PALLD: variants seen among roughly 807,000 people sequenced by gnomAD.
The protein encoded by PALLD is palladin.
Under a neutral mutation model 123.5 loss-of-function variants are expected in PALLD, and 61 were observed. That is an observed-to-expected ratio of 0.49 (90% CI 0.40 to 0.61). The LOEUF (loss-of-function observed/expected upper bound fraction) is 0.61. Ranked by LOEUF, PALLD falls within the 20% of genes least tolerant of loss-of-function variation. PALLD has a pLI of 0.00. For missense variants in PALLD, 1,273 were observed against 1,377.0 expected (o/e 0.92, Z 1.20); for synonymous variants, 465 against 496.4 (o/e 0.94, Z 0.84).
In PALLD at chr4:168,926,358, T is replaced by G. The variant is rs1201397288; in HGVS notation, c.*178T>G. ...ACCCATCTCACCTGACACTGAATAC[T>G]GCCTTGGTAGAAAGTGAGGACCTGT... On this transcript the variant is annotated 3_prime_UTR_variant, in exon 22 of 22. Coordinates refer to ENST00000505667, the MANE Select transcript of PALLD (RefSeq NM_001166108.2). 6.5e-7 allele frequency: 1 copy of G among 1,537,324 alleles called. No homozygotes were observed. The highest frequency in any genetic ancestry group is 2.4e-5 in the East Asian group (1 of 40,914).
chr4:168,924,189 T>C, intron 18 of PALLD, 66 bp from the exon 19 acceptor site: 2 of 1,426,926 alleles, frequency 1.4e-6, no homozygotes, highest in Non-Finnish European at 2.0e-6. Flanking sequence ...TCCAAAAGCC[T>C]TCTGAATTCT....
At chr4:168,771,937 T>A (rs555284681) in intron 10 of PALLD, among the ~76,000 whole-genome samples, 3 of 152,298 alleles carry the variant, frequency 2.0e-5, no homozygotes, top group South Asian at 2.1e-4. Flanking sequence ...AGAGGGGTAG[T>A]ATATATTTTT....
At chr4:168,569,015 A>G (rs1281850595) in intron 2 of PALLD, among the ~76,000 whole-genome samples, 3 of 152,130 alleles carry the variant, frequency 2.0e-5, no homozygotes, top group Non-Finnish European at 4.4e-5. Context: ...GAAAGAAATT[A>G]TCTCCTGGTC....
chr4:168,874,625 C>G (rs1751497402), intron 10 of PALLD, among the ~76,000 whole-genome samples: 1 of 148,684 alleles, frequency 6.7e-6, no homozygotes, highest in South Asian at 2.2e-4. Context: ...GAATAAAGTC[C>G]TCAGAAGGAA....
chr4:168,599,770 G>A (rs1210074265), intron 2 of PALLD, among the ~76,000 whole-genome samples: 6 of 152,090 alleles, frequency 3.9e-5, no homozygotes, highest in African/African-American at 1.2e-4. Context: ...GCCAGAACCT[G>A]TGTCTATAGA....
chr4:168,801,654 C>A (rs1739352567), intron 10 of PALLD, among the ~76,000 whole-genome samples: 3 of 152,132 alleles, frequency 2.0e-5, no homozygotes. Flanking sequence ...GAACGACCTG[C>A]CCCCAAGTCC....
chr4:168,668,186 G>T lies in PALLD; in HGVS notation c.909-4G>T. 1 of 1,612,858 alleles carries T rather than the reference G, an allele frequency of 6.2e-7. No homozygotes were observed. On this transcript the variant is annotated splice_polypyrimidine_tract_variant and splice_region_variant and intron_variant, in intron 2 of 21. Transcript: ENST00000505667. ...CTATCCTTTGACCTCCATTTGGCCT[G>T]CAGATGGTTCTGTGAAGGGAAAGAA...
intron 14 of PALLD, among the ~76,000 whole-genome samples, chr4:168,899,292 T>A (rs1755933411): frequency 6.6e-6 from 1 of 152,062 alleles, no homozygotes; most frequent in Admixed American, 6.6e-5. Flanking sequence ...AAATGCTGGA[T>A]AAGGAGCTGC....
At chr4:168,518,534 G>C (rs999765141) in intron 2 of PALLD, among the ~76,000 whole-genome samples, 3 of 152,082 alleles carry the variant, frequency 2.0e-5, no homozygotes, top group African/African-American at 7.2e-5. Context: ...ACACCACCAG[G>C]CTTGTTCTTG....
intron 8 of PALLD, among the ~76,000 whole-genome samples, chr4:168,696,546 A>C (rs1783145547): frequency 6.6e-6 from 1 of 152,100 alleles, no homozygotes; most frequent in African/African-American, 2.4e-5. Context: ...TATAGAAAAA[A>C]ACAAGTGACC....
intron 10 of PALLD, among the ~76,000 whole-genome samples, chr4:168,758,938 G>T (rs1732281029): frequency 6.6e-6 from 1 of 151,628 alleles, no homozygotes; most frequent in Non-Finnish European, 1.5e-5. Context: ...ACTTTGGGAG[G>T]CCAAGGCGGA....
In PALLD at chr4:168,761,645, G is replaced by GTTTTTTTTTT. The variant is rs70961555; in HGVS notation, c.1964+49744_1964+49753dup. ...CCAGCTATTTTTGTTGTTGTTGTTT[G>GTTTTTTTTTT]TTTTTTTTTTTTTTTTTTTTTTTTT... On this transcript the variant is annotated intron_variant, in intron 10 of 21. Coordinates refer to ENST00000505667, the MANE Select transcript of PALLD (RefSeq NM_001166108.2). Among the ~76,000 whole-genome samples the GTTTTTTTTTT allele has an allele frequency of 3.4e-3, 299 of 87,510 alleles. 28 individuals are homozygous for GTTTTTTTTTT. Among genetic ancestry groups the GTTTTTTTTTT allele is most frequent in the Non-Finnish European group, 3.7e-3 (167 of 44,884 alleles). The allele number at this position is 87,510 out of a possible 152,430, so 57.4% of individuals were successfully genotyped here. A position where few individuals can be genotyped will look rare whatever the true frequency, so the allele number is the denominator to read the frequency against.
intron 2 of PALLD, among the ~76,000 whole-genome samples, chr4:168,600,436 C>T (rs1580514843): frequency 6.6e-6 from 1 of 152,262 alleles, no homozygotes; most frequent in East Asian, 1.9e-4. Context: ...ATTTCTATGA[C>T]TTCTCATGCT....
At chr4:168,860,613 A>T (rs1363349357) in intron 10 of PALLD, among the ~76,000 whole-genome samples, 5 of 152,182 alleles carry the variant, frequency 3.3e-5, no homozygotes, top group Non-Finnish European at 5.9e-5. Context: ...ACTTGAAGTC[A>T]GGAGTTTGAG....
At chr4:168,533,570 A>T (rs780032926) in intron 2 of PALLD, among the ~76,000 whole-genome samples, 9 of 152,210 alleles carry the variant, frequency 5.9e-5, no homozygotes, top group Non-Finnish European at 8.8e-5. Flanking sequence ...TGTTACGGAG[A>T]AGTCCATACG....
intron 6 of PALLD, among the ~76,000 whole-genome samples, chr4:168,690,401 G>T (rs1319305315): frequency 1.3e-5 from 2 of 152,232 alleles, no homozygotes; most frequent in East Asian, 3.8e-4. Context: ...ATGACTTGGA[G>T]AGGGTGAAAA....
chr4:168,522,349 G>A (rs1474168851), intron 2 of PALLD, among the ~76,000 whole-genome samples: 3 of 152,254 alleles, frequency 2.0e-5, no homozygotes, highest in Admixed American at 2.0e-4. Flanking sequence ...ATACCATGCT[G>A]CAAAGCTCTC....
intron 15 of PALLD, among the ~76,000 whole-genome samples, chr4:168,904,609 G>A (rs1757234039): frequency 1.3e-5 from 2 of 151,888 alleles, no homozygotes; most frequent in South Asian, 4.2e-4. Context: ...TGTACCTTAA[G>A]AGCTCAATGT....
chr4:168,586,217 C>T (rs1242342919), intron 2 of PALLD, among the ~76,000 whole-genome samples: 1 of 151,410 alleles, frequency 6.6e-6, no homozygotes, highest in Non-Finnish European at 1.5e-5. Context: ...CTACTTCCGG[C>T]CCCACAAAAA....
Sources: gnomAD v4.1 joint callset for allele counts (sites outside exome capture counted in the v4.1 genomes callset) on GRCh38, gnomAD v4.1.1 for gene constraint, MANE v1.5 for transcripts, NCBI Gene and HGNC (gene_info 2026-07-23, HGNC 2026-07-21) for gene names.